CACNA1D: variants seen among roughly 807,000 people sequenced by gnomAD.
CACNA1D encodes the protein voltage-dependent L-type calcium channel subunit alpha-1D.
A neutral mutation model predicts 257.1 loss-of-function variants in CACNA1D; 55 were observed. The ratio of observed to expected loss-of-function variants is 0.21; its 90% CI spans 0.17 to 0.27. The LOEUF (loss-of-function observed/expected upper bound fraction) is 0.27, where lower values mean the gene tolerates loss of function less well. CACNA1D is among the 10% of genes least tolerant of loss of function. The probability of loss-of-function intolerance (pLI) is 1.00; values close to 1 mark genes in which losing one functional copy is unlikely to be tolerated. For missense variants in CACNA1D, 1,876 were observed against 2,784.0 expected (o/e 0.67, Z 7.34); for synonymous variants, 980 against 1,014.9 (o/e 0.97, Z 0.65).
chr3:53,561,740 C>T (rs1019177928), intron 3 of CACNA1D, among the ~76,000 whole-genome samples: 5 of 152,080 alleles, frequency 3.3e-5, no homozygotes, highest in Non-Finnish European at 5.9e-5. Flanking sequence ...TGGTATAAGT[C>T]GGTGATAAAT....
Position 53,728,312 on chromosome 3 carries a change from C to T in CACNA1D, c.2221+1313C>T, listed in dbSNP as rs143327139. ...CACCACCATGCCCAGCTAATTTTTGCATTTTTAGTAGAGATGGGGTTTCTC... is the reference window on the plus strand; with the variant it reads ...CACCACCATGCCCAGCTAATTTTTGTATTTTTAGTAGAGATGGGGTTTCTC... On this transcript the variant is annotated intron_variant, in intron 15 of 47. Coordinates refer to ENST00000350061, the MANE Select transcript of CACNA1D (RefSeq NM_001128840.3). Among the ~76,000 whole-genome samples, 1,161 of 152,096 alleles carry T rather than the reference C, an allele frequency of 7.6e-3. 16 individuals carry two copies. Among genetic ancestry groups the T allele is most frequent in the African/African-American group, 0.027 (1,119 of 41,506 alleles).
chr3:53,775,030 G>A (rs931643365), intron 34 of CACNA1D, among the ~76,000 whole-genome samples: 2 of 152,192 alleles, frequency 1.3e-5, no homozygotes, highest in African/African-American at 2.4e-5. Context: ...TAGCAAAAAC[G>A]TCAAGGCCTT....
chr3:53,676,092 C>T (rs537900597), intron 8 of CACNA1D, among the ~76,000 whole-genome samples: 6 of 152,296 alleles, frequency 3.9e-5, no homozygotes, highest in South Asian at 2.1e-4. Context: ...ACACAGACAG[C>T]GGCCTTGTGC....
At position 53,811,562 on chromosome 3, in the gene CACNA1D, T is replaced by C. The variant is rs2095601084; in HGVS notation, c.*156T>C. On this transcript the variant is annotated 3_prime_UTR_variant, in exon 48 of 48. Transcript: ENST00000350061. The surrounding 1 kb of genome is among the most constrained non-coding windows in gnomAD (Gnocchi z 4.2). ...GAGATGTCATGCCTCAAGAAAGCCA[T>C]AAACCTGGTAGGAACAGGTCCCAAG... is the stretch of plus-strand genomic sequence containing the variant. The C allele has an allele frequency of 1.5e-6, 1 of 649,598 alleles. No homozygotes were observed. Among genetic ancestry groups the C allele is most frequent in the Non-Finnish European group, 2.5e-6 (1 of 393,426 alleles). The allele number at this position is 649,598 out of a possible 1,614,324, so 40.2% of individuals were successfully genotyped here. A position where few individuals can be genotyped will look rare whatever the true frequency, so the allele number is the denominator to read the frequency against.
At chr3:53,647,965 G>GA (rs1481599136) in intron 3 of CACNA1D, among the ~76,000 whole-genome samples, 1 of 152,204 alleles carries the variant, frequency 6.6e-6, no homozygotes, top group Admixed American at 6.5e-5. Flanking sequence ...AAAAAGCAGG[G>GA]AGAGGGCAAA....
At chr3:53,776,793 T>C (rs2095400270) in intron 36 of CACNA1D, 63 bp downstream of exon 36, 4 of 1,613,756 alleles carry the variant, frequency 2.5e-6, no homozygotes, top group East Asian at 2.2e-5. Context: ...GCTTTTTTTG[T>C]GGAGTGGACT....
chr3:53,615,159 C>T (rs2093623646), intron 3 of CACNA1D, among the ~76,000 whole-genome samples: 1 of 152,080 alleles, frequency 6.6e-6, no homozygotes, highest in African/African-American at 2.4e-5. Flanking sequence ...TTATGTGTCC[C>T]CTGCTCTCAG....
intron 29 of CACNA1D, among the ~76,000 whole-genome samples, chr3:53,755,003 A>G (rs886152939): frequency 6.6e-6 from 1 of 152,250 alleles, no homozygotes; most frequent in Admixed American, 6.5e-5. Context: ...ATGCATGGCC[A>G]GATGTTATTA....
chr3:53,571,543 T>A (rs544363534), intron 3 of CACNA1D, among the ~76,000 whole-genome samples: 1 of 151,968 alleles, frequency 6.6e-6, no homozygotes. Flanking sequence ...GTAGTCTCAC[T>A]TAGGCCTTTC....
At chr3:53,762,747 A>G (rs1021295828) in intron 30 of CACNA1D, 4 of 381,846 alleles carry the variant, frequency 1.0e-5, no homozygotes, top group East Asian at 1.5e-4. Flanking sequence ...CCAGACACAA[A>G]TTTATTTTGA....
rs117207917 is a variant in CACNA1D, at chr3:53,585,521, C to T, written c.484-65258C>T. On this transcript the variant is annotated intron_variant, in intron 3 of 47. Coordinates refer to ENST00000350061, the MANE Select transcript of CACNA1D (RefSeq NM_001128840.3). ...AAAGCAGGTTGACCTATTTTCATTA[C>T]AGCATTATCAAAACTTGTGATTCTA... Among the ~76,000 whole-genome samples, 67 of 152,272 alleles carry T rather than the reference C, an allele frequency of 4.4e-4. 5 individuals carry two copies. The East Asian group carries it at 0.013, about 29-fold the overall frequency.
chr3:53,524,167 TGATAA>T (rs2091679362), intron 3 of CACNA1D, among the ~76,000 whole-genome samples: 1 of 152,084 alleles, frequency 6.6e-6, no homozygotes, highest in East Asian at 1.9e-4. Context: ...CCTTTGAACT[TGATAA>T]GAGCAGAGAA....
chr3:53,557,116 C>G (rs968123873), intron 3 of CACNA1D, among the ~76,000 whole-genome samples: 1 of 152,128 alleles, frequency 6.6e-6, no homozygotes, highest in African/African-American at 2.4e-5. Flanking sequence ...CTTTTGATGT[C>G]GTATCTAAGA....
chr3:53,695,613 T>G (rs2094566513), intron 8 of CACNA1D, among the ~76,000 whole-genome samples: 2 of 152,188 alleles, frequency 1.3e-5, no homozygotes, highest in Non-Finnish European at 2.9e-5. Context: ...GAGGTGACAG[T>G]GACCGTAGCA....
At chr3:53,749,592 GCCCTGTTCTAAGC>G (rs1377945472) in intron 27 of CACNA1D, 123 bp downstream of exon 27, 1 of 743,886 alleles carries the variant, frequency 1.3e-6, no homozygotes, top group African/African-American at 1.7e-5. Context: ...TGGGGCTAGG[GCCCTGTTCTAAGC>G]ACACCCTCAG....
At chr3:53,573,486 CA>C (rs1476073345) in intron 3 of CACNA1D, among the ~76,000 whole-genome samples, 26 of 152,334 alleles carry the variant, frequency 1.7e-4, no homozygotes, top group Admixed American at 1.2e-3. Context: ...TACTCAGAGT[CA>C]CCTTTTCAGT....
intron 3 of CACNA1D, among the ~76,000 whole-genome samples, chr3:53,577,301 A>G (rs1488157051): frequency 6.6e-6 from 1 of 152,152 alleles, no homozygotes; most frequent in Non-Finnish European, 1.5e-5. Flanking sequence ...AGCTGACCTC[A>G]GGTGGTGCTC....
chr3:53,520,886 C>G (rs1311545661), intron 3 of CACNA1D, among the ~76,000 whole-genome samples: 1 of 87,476 alleles, frequency 1.1e-5, no homozygotes, highest in African/African-American at 6.3e-5. Flanking sequence ...TTCTTTCTTT[C>G]TTTCTTTCTT....
At position 53,811,027 on chromosome 3, in the gene CACNA1D, A is replaced by T; in HGVS notation, c.6193-86A>T. The T allele has an allele frequency of 1.0e-6, 1 of 989,076 alleles. No individual in the cohort carries two copies. Among genetic ancestry groups the T allele is most frequent in the Non-Finnish European group, 1.6e-6 (1 of 610,758 alleles). 61.3% of individuals were successfully genotyped at this position (989,076 alleles called of 1,614,324 possible). On this transcript the variant is annotated intron_variant, in intron 47 of 47. Coordinates refer to ENST00000350061, the MANE Select transcript of CACNA1D (RefSeq NM_001128840.3). The surrounding 1 kb of genome is among the most constrained non-coding windows in gnomAD (Gnocchi z 4.2). ...CCAAAGCACACGGTGCAGTTAAGTT[A>T]GCACTGGAGTTGATTTTTCTGTCGT...
Sources: gnomAD v4.1 joint callset for allele counts (sites outside exome capture counted in the v4.1 genomes callset) on GRCh38, gnomAD v4.1.1 for gene constraint, Gnocchi (gnomAD v3.1) non-coding constraint, MANE v1.5 for transcripts, NCBI Gene and HGNC (gene_info 2026-07-23, HGNC 2026-07-21) for gene names.